Variants in TMEM123 observed in about 807,000 individuals in gnomAD.
The protein encoded by TMEM123 is porimin.
A neutral mutation model predicts 19.7 loss-of-function variants in TMEM123; 16 were observed. The observed-to-expected ratio is 0.81, with a 90% CI of 0.55 to 1.23. The LOEUF is 1.23. Among genes scored for constraint, TMEM123 ranks in the 50% most tolerant of loss-of-function variants. TMEM123 has a pLI of 0.00. For missense variants in TMEM123, 313 were observed against 257.8 expected, an observed-to-expected ratio of 1.21 and a Z score of -1.47; for synonymous variants, 118 against 99.4, an observed-to-expected ratio of 1.19 and a Z score of -1.12.
rs533239366 is a variant in TMEM123 at position 102,433,655 on chromosome 11, A to G, written c.157+15157T>C. Among the ~76,000 whole-genome samples, 102 of 151,978 alleles carry G rather than the reference A, an allele frequency of 6.7e-4. 2 individuals are homozygous for G. Among genetic ancestry groups the G allele is most frequent in the Non-Finnish European group, 1.1e-3 (78 of 67,848 alleles). On this transcript the variant is annotated intron_variant, in intron 2 of 4. Coordinates refer to ENST00000398136, the MANE Select transcript of TMEM123 (RefSeq NM_052932.3). ...GAGGGCATGAGATTTGGGAGGGGCC[A>G]GTGGTAAAATTATATGGTTTGGCTA...
intron 2 of TMEM123, among the ~76,000 whole-genome samples, chr11:102,424,348 A>C (rs537588895): frequency 6.6e-6 from 1 of 152,332 alleles, no homozygotes; most frequent in Non-Finnish European, 1.5e-5. Context: ...CAAGTATTCC[A>C]TATACTTTAT....
chr11:102,413,782 C>G (rs557227329), intron 2 of TMEM123, among the ~76,000 whole-genome samples: 1 of 152,328 alleles, frequency 6.6e-6, no homozygotes, highest in South Asian at 2.1e-4. Context: ...AGCGCAAGAA[C>G]TCTGGCAACT....
intron 2 of TMEM123, among the ~76,000 whole-genome samples, chr11:102,407,351 T>C (rs1951964525): frequency 6.6e-6 from 1 of 152,330 alleles, no homozygotes; most frequent in Non-Finnish European, 1.5e-5. Context: ...ATTCAGTGAA[T>C]TGGACATTCT....
intron 2 of TMEM123, among the ~76,000 whole-genome samples, chr11:102,411,083 C>G (rs552354974): frequency 1.3e-5 from 2 of 152,120 alleles, no homozygotes; most frequent in South Asian, 2.1e-4. Flanking sequence ...CCCTTTTGCT[C>G]AAACCTGAGT....
At chr11:102,429,364 G>A (rs1185047177) in intron 2 of TMEM123, among the ~76,000 whole-genome samples, 5 of 151,980 alleles carry the variant, frequency 3.3e-5, no homozygotes, top group Non-Finnish European at 5.9e-5. Flanking sequence ...TCACGCTTAC[G>A]GTTCCTCTTC....
At chr11:102,434,124 G>T (rs1325247015) in intron 2 of TMEM123, among the ~76,000 whole-genome samples, 1 of 151,844 alleles carries the variant, frequency 6.6e-6, no homozygotes, top group African/African-American at 2.4e-5. Flanking sequence ...GGGATTGCTG[G>T]ATCACATGGT....
At position 102,398,380 on chromosome 11, in the gene TMEM123, AG is replaced by A; in HGVS notation, c.*486del. ...TGATGTTTTTCTTAAATTATGCTTC[AG>A]ATCTAGTTTGATTGTATAATTTCTG... On this transcript the variant is annotated 3_prime_UTR_variant, in exon 5 of 5. Coordinates refer to ENST00000398136, the MANE Select transcript of TMEM123 (RefSeq NM_052932.3). The A allele has an allele frequency of 2.5e-6, 1 of 393,276 alleles. No individual in the cohort carries two copies. The highest frequency in any genetic ancestry group is 4.5e-6 in the Non-Finnish European group (1 of 223,248). The allele number at this position is 393,276 out of a possible 1,614,324, so 24.4% of individuals were successfully genotyped here.
At chr11:102,430,450 C>T (rs915928998) in intron 2 of TMEM123, among the ~76,000 whole-genome samples, 1 of 152,202 alleles carries the variant, frequency 6.6e-6, no homozygotes, top group African/African-American at 2.4e-5. Context: ...CCACAAACTC[C>T]TCTGAAGGCT....
At chr11:102,448,914 A>T (rs1277636310) in intron 1 of TMEM123, 46 bp from the exon 2 acceptor site, 1 of 1,585,612 alleles carries the variant, frequency 6.3e-7, no homozygotes, top group Non-Finnish European at 8.7e-7. Context: ...CATTTAACTA[A>T]GAATACTGGC....
intron 2 of TMEM123, among the ~76,000 whole-genome samples, chr11:102,407,358 TTCTA>T (rs1277621283): frequency 1.3e-5 from 2 of 152,198 alleles, no homozygotes; most frequent in Non-Finnish European, 2.9e-5. Context: ...GAATTGGACA[TTCTA>T]TCTATAACAC....
At chr11:102,406,572 C>T (rs914112215) in intron 2 of TMEM123, among the ~76,000 whole-genome samples, 1 of 152,166 alleles carries the variant, frequency 6.6e-6, no homozygotes, top group East Asian at 1.9e-4. Context: ...ATGAGATTGC[C>T]TTAAAAAAGA....
At position 102,442,436 on chromosome 11, in the gene TMEM123, C is replaced by G. The variant is rs568394920; in HGVS notation, c.157+6376G>C. Among the ~76,000 whole-genome samples the G allele has an allele frequency of 3.4e-4, 52 of 152,132 alleles. 2 individuals carry two copies. The South Asian group carries it at 6.6e-3, about 19-fold the overall frequency. ...TAATCCAGCATATAAACAGAACCAA[C>G]GACAAAAACCACATGATAATCTGAA... is the stretch of plus-strand genomic sequence containing the variant. On this transcript the variant is annotated intron_variant, in intron 2 of 4. Coordinates refer to ENST00000398136, the MANE Select transcript of TMEM123 (RefSeq NM_052932.3).
intron 2 of TMEM123, among the ~76,000 whole-genome samples, chr11:102,409,807 G>A (rs912871257): frequency 2.0e-5 from 3 of 151,966 alleles, no homozygotes; most frequent in Non-Finnish European, 2.9e-5. Flanking sequence ...AGAGGTTGCA[G>A]TGAGCCGAGA....
At position 102,441,582 on chromosome 11, in the gene TMEM123, G is replaced by A. The variant is rs538722941; in HGVS notation, c.157+7230C>T. 1.7e-4 allele frequency among the ~76,000 whole-genome samples: 26 copies of A among 152,212 alleles called. No homozygotes were observed. In the South Asian group the frequency reaches 2.1e-3, roughly 12 times the overall value. On this transcript the variant is annotated intron_variant, in intron 2 of 4. Transcript: ENST00000398136. The stretch of plus-strand genomic sequence containing the variant: ...AATTTATAGCACTAAATGCCCACAA[G>A]AGAAAGCAGGAAAGATCTAAAATTG...
At chr11:102,421,587 T>C (rs1591559135) in intron 2 of TMEM123, among the ~76,000 whole-genome samples, 1 of 152,196 alleles carries the variant, frequency 6.6e-6, no homozygotes, top group South Asian at 2.1e-4. Context: ...CTGTACAGTT[T>C]AGTATACTAG....
intron 2 of TMEM123, among the ~76,000 whole-genome samples, chr11:102,425,557 G>A (rs12290362): frequency 6.6e-6 from 1 of 150,476 alleles, no homozygotes; most frequent in Non-Finnish European, 1.5e-5. Context: ...GTTTCCTCCA[G>A]GATTGTTTTT....
At chr11:102,415,237 C>T (rs1035947305) in intron 2 of TMEM123, among the ~76,000 whole-genome samples, 3 of 152,146 alleles carry the variant, frequency 2.0e-5, no homozygotes, top group Non-Finnish European at 4.4e-5. Context: ...ACAATAGTGG[C>T]GGACTTCAAA....
intron 1 of TMEM123, chr11:102,449,215 T>A (rs982863490): frequency 4.0e-6 from 1 of 250,530 alleles, no homozygotes; most frequent in Non-Finnish European, 8.1e-6. Flanking sequence ...TCTGCTCTTC[T>A]GAGTGGAGTG....
chr11:102,445,613 T>G (rs938408566), intron 2 of TMEM123, among the ~76,000 whole-genome samples: 1 of 152,232 alleles, frequency 6.6e-6, no homozygotes, highest in African/African-American at 2.4e-5. Context: ...AGTAAGACTT[T>G]CATTGTTGCA....
Sources: gnomAD v4.1 joint callset for allele counts (sites outside exome capture counted in the v4.1 genomes callset) on GRCh38, gnomAD v4.1.1 for gene constraint, MANE v1.5 for transcripts, NCBI Gene and HGNC (gene_info 2026-07-23, HGNC 2026-07-21) for gene names.